Variants in RASGRF2 observed in about 807,000 individuals in gnomAD.
RASGRF2 encodes Ras protein specific guanine nucleotide releasing factor 2.
Under a neutral mutation model 151.0 loss-of-function variants are expected in RASGRF2, and 76 were observed. That is an observed-to-expected ratio of 0.50 (90% CI 0.42 to 0.61). The LOEUF (loss-of-function observed/expected upper bound fraction) is 0.61, where lower values mean the gene tolerates loss of function less well. Ranked by LOEUF, RASGRF2 falls within the 20% of genes least tolerant of loss-of-function variation. The probability of loss-of-function intolerance (pLI) is 0.00; values close to 1 mark genes in which losing one functional copy is unlikely to be tolerated. For missense variants in RASGRF2, 1,148 were observed against 1,564.6 expected, an observed-to-expected ratio of 0.73 and a Z score of 4.49; for synonymous variants, 504 against 566.5, an observed-to-expected ratio of 0.89 and a Z score of 1.57.
chr5:81,141,542 C>T (rs1273761065), intron 17 of RASGRF2, among the ~76,000 whole-genome samples: 1 of 152,206 alleles, frequency 6.6e-6, no homozygotes, highest in Non-Finnish European at 1.5e-5. Flanking sequence ...TAAACTGCTG[C>T]TTTCTTTGCC....
chr5:81,174,984 A>C (rs1284684016), intron 17 of RASGRF2, among the ~76,000 whole-genome samples: 1 of 152,226 alleles, frequency 6.6e-6, no homozygotes, highest in African/African-American at 2.4e-5. Flanking sequence ...CTAACTTGCA[A>C]GAGAAACTTA....
chr5:81,150,597 T>C (rs1453240595), intron 17 of RASGRF2, among the ~76,000 whole-genome samples: 1 of 152,162 alleles, frequency 6.6e-6, no homozygotes, highest in East Asian at 1.9e-4. Flanking sequence ...TTGGATTTCT[T>C]CCTGACTCAC....
intron 2 of RASGRF2, among the ~76,000 whole-genome samples, chr5:81,053,519 C>G (rs1372612851): frequency 6.6e-6 from 1 of 152,068 alleles, no homozygotes; most frequent in Non-Finnish European, 1.5e-5. Context: ...TTAATCCAGT[C>G]TATCATTGAT....
chr5:80,983,124 C>T (rs1580166184), intron 1 of RASGRF2, among the ~76,000 whole-genome samples: 2 of 152,342 alleles, frequency 1.3e-5, no homozygotes, highest in East Asian at 3.9e-4. Flanking sequence ...TACTTGATAA[C>T]CTGTTCTCTA....
At chr5:81,219,976 ACTT>A (rs1755823948) in intron 26 of RASGRF2, among the ~76,000 whole-genome samples, 198 bp downstream of exon 26, 1 of 151,220 alleles carries the variant, frequency 6.6e-6, no homozygotes, top group Non-Finnish European at 1.5e-5. Flanking sequence ...TATTGATTTT[ACTT>A]CTTATATTTC....
At chr5:81,162,877 A>C (rs1424885357) in intron 17 of RASGRF2, among the ~76,000 whole-genome samples, 1 of 152,126 alleles carries the variant, frequency 6.6e-6, no homozygotes, top group Non-Finnish European at 1.5e-5. Flanking sequence ...GTTACAGGAA[A>C]TTGGGTATAT....
intron 17 of RASGRF2, among the ~76,000 whole-genome samples, chr5:81,155,894 C>G (rs1190623532): frequency 6.6e-6 from 1 of 152,090 alleles, no homozygotes; most frequent in Non-Finnish European, 1.5e-5. Flanking sequence ...TACATTTTAG[C>G]AACATGTTTG....
intron 12 of RASGRF2, among the ~76,000 whole-genome samples, chr5:81,105,379 G>A (rs1353414151): frequency 3.3e-5 from 5 of 152,060 alleles, no homozygotes; most frequent in Non-Finnish European, 7.4e-5. Flanking sequence ...TATGACCCAG[G>A]TCTGTGACTC....
At chr5:81,075,524 C>G (rs1384630303) in intron 5 of RASGRF2, among the ~76,000 whole-genome samples, 1 of 152,126 alleles carries the variant, frequency 6.6e-6, no homozygotes, top group Admixed American at 6.5e-5. Context: ...TTCCTTGTTG[C>G]TTACTTATCC....
chr5:81,212,674 A>C, intron 23 of RASGRF2, 111 bp downstream of exon 23: 1 of 1,069,954 alleles, frequency 9.3e-7, no homozygotes, highest in Non-Finnish European at 1.3e-6. Context: ...TGAGCCGCTC[A>C]GTTGCCAAAG....
At chr5:81,102,788 T>C (rs928822587) in intron 12 of RASGRF2, among the ~76,000 whole-genome samples, 3 of 152,088 alleles carry the variant, frequency 2.0e-5, no homozygotes, top group African/African-American at 7.2e-5. Flanking sequence ...GAAATTGTTA[T>C]AAAAATAACT....
chr5:81,219,926 A>AG, intron 26 of RASGRF2, 148 bp downstream of exon 26: 1 of 287,174 alleles, frequency 3.5e-6, no homozygotes, highest in Non-Finnish European at 6.4e-6. Flanking sequence ...AGTCTGATTA[A>AG]AAAAAAAAAA....
intron 17 of RASGRF2, among the ~76,000 whole-genome samples, chr5:81,152,972 G>T (rs780977779): frequency 6.6e-6 from 1 of 152,178 alleles, no homozygotes; most frequent in Non-Finnish European, 1.5e-5. Context: ...AGCAATCTCA[G>T]TGGCAAACAG....
chr5:81,113,484 G>A, intron 14 of RASGRF2, 54 bp from the exon 15 acceptor site: 1 of 1,494,500 alleles, frequency 6.7e-7, no homozygotes, highest in South Asian at 1.2e-5. Context: ...ATGACATCTG[G>A]GAATTCATTT....
At chr5:81,214,948 C>T (rs1301538688) in intron 23 of RASGRF2, among the ~76,000 whole-genome samples, 4 of 152,234 alleles carry the variant, frequency 2.6e-5, no homozygotes, top group African/African-American at 9.6e-5. Flanking sequence ...ATTGCTTAGT[C>T]AATACCAAGG....
At position 80,998,378 on chromosome 5, in the gene RASGRF2, T is replaced by G. The variant is rs532833489; in HGVS notation, c.288+37352T>G. Among the ~76,000 whole-genome samples the G allele has an allele frequency of 2.0e-5, 3 of 152,326 alleles. No homozygotes were observed. In the South Asian group the frequency reaches 6.2e-4, roughly 32 times the overall value. On this transcript the variant is annotated intron_variant, in intron 1 of 26. Transcript: ENST00000265080. ...GGCTATTATGTTTGATACCGTACAT[T>G]CTGAGATTTAAATGATCATCTGGGC...
chr5:81,164,948 T>C (rs955083908), intron 17 of RASGRF2, among the ~76,000 whole-genome samples: 8 of 152,196 alleles, frequency 5.3e-5, no homozygotes, highest in Non-Finnish European at 8.8e-5. Flanking sequence ...TGAGCGGCCA[T>C]TTTCCACTAA....
At chr5:81,015,534 G>T (rs1749602708) in intron 1 of RASGRF2, among the ~76,000 whole-genome samples, 1 of 151,814 alleles carries the variant, frequency 6.6e-6, no homozygotes, top group Non-Finnish European at 1.5e-5. Context: ...CACATTTTCT[G>T]GTGTTTTATA....
chr5:81,017,559 C>CAGAAGATGCGGAGGTGGCAGCTGGA (rs1749677717), intron 1 of RASGRF2, among the ~76,000 whole-genome samples: 1 of 152,182 alleles, frequency 6.6e-6, no homozygotes, highest in Non-Finnish European at 1.5e-5. Flanking sequence ...CTTTGTTCCT[C>CAGAAGATGCGGAGGTGGCAGCTGGA]AGAAGATGCG....
Sources: gnomAD v4.1 joint callset for allele counts (sites outside exome capture counted in the v4.1 genomes callset) on GRCh38, gnomAD v4.1.1 for gene constraint, MANE v1.5 for transcripts, NCBI Gene and HGNC (gene_info 2026-07-23, HGNC 2026-07-21) for gene names.